The following TNNI3K variants were observed in gnomAD, a reference collection of about 807,000 sequenced individuals.
The protein encoded by TNNI3K is serine/threonine-protein kinase TNNI3K.
TNNI3K carries 140 observed loss-of-function variants against 114.5 expected under a neutral mutation model. The ratio of observed to expected loss-of-function variants is 1.22; its 90% CI spans 1.07 to 1.41. The LOEUF is 1.41. TNNI3K is among the 40% of genes most tolerant of loss of function. The pLI is 0.00. For missense variants in TNNI3K, 1,125 were observed against 1,007.6 expected, an observed-to-expected ratio of 1.12 and a Z score of -1.58; for synonymous variants, 347 against 347.5, an observed-to-expected ratio of 1.00 and a Z score of 0.02.
In TNNI3K at chr1:74,236,090, C is replaced by T. The variant is rs780321887; in HGVS notation, c.41-12C>T. 1 of 1,597,472 alleles carries T rather than the reference C, an allele frequency of 6.3e-7. No individual in the cohort carries two copies. Among genetic ancestry groups the T allele is most frequent in the African/African-American group, 1.4e-5 (1 of 74,038 alleles). On this transcript the variant is annotated splice_polypyrimidine_tract_variant and intron_variant, in intron 1 of 24. Transcript: ENST00000326637. ...CAACTATGAATCAATCTCATTTGTT[C>T]TTCTTTACTAGATGAATGGAAGAAA... is the stretch of plus-strand genomic sequence containing the variant.
At chr1:74,413,098 A>G (rs1041093487) in intron 17 of TNNI3K, among the ~76,000 whole-genome samples, 3 of 152,200 alleles carry the variant, frequency 2.0e-5, no homozygotes, top group African/African-American at 7.2e-5. Flanking sequence ...TTGGTAATTA[A>G]TTCAGTCATC....
chr1:74,275,405 T>A (rs1656619396), intron 5 of TNNI3K, among the ~76,000 whole-genome samples: 1 of 152,248 alleles, frequency 6.6e-6, no homozygotes, highest in African/African-American at 2.4e-5. Context: ...ACCACCCCTA[T>A]GATTCAATTA....
At chr1:74,421,121 T>G (rs1244633775) in intron 17 of TNNI3K, among the ~76,000 whole-genome samples, 1 of 152,102 alleles carries the variant, frequency 6.6e-6, no homozygotes, top group African/African-American at 2.4e-5. Flanking sequence ...GGAAGAGCAA[T>G]TACTGGAATT....
chr1:74,469,778 A>G (rs1049646344), intron 21 of TNNI3K: 12 of 397,700 alleles, frequency 3.0e-5, no homozygotes, highest in Non-Finnish European at 4.4e-5. Flanking sequence ...TTGTCCTCCA[A>G]AATGATCCAC....
chr1:74,298,884 A>G (rs760653053), intron 5 of TNNI3K, among the ~76,000 whole-genome samples: 2 of 152,128 alleles, frequency 1.3e-5, no homozygotes, highest in Non-Finnish European at 2.9e-5. Flanking sequence ...TGTATCTTCT[A>G]AAAGTGCCAT....
chr1:74,267,633 A>G (rs1420158383), intron 4 of TNNI3K, among the ~76,000 whole-genome samples: 5 of 151,926 alleles, frequency 3.3e-5, no homozygotes, highest in Non-Finnish European at 7.4e-5. Context: ...ATAGTAAGCA[A>G]TTTATATGCA....
chr1:74,311,852 G>A (rs1477331525), intron 5 of TNNI3K, among the ~76,000 whole-genome samples: 1 of 152,066 alleles, frequency 6.6e-6, no homozygotes, highest in Non-Finnish European at 1.5e-5. Flanking sequence ...ATTTTTGTTG[G>A]TGTGTATTGT....
intron 17 of TNNI3K, chr1:74,374,088 T>C (rs1662751109): frequency 6.6e-6 from 1 of 151,914 alleles, no homozygotes; most frequent in Non-Finnish European, 1.5e-5. Context: ...GTTTTTGCAC[T>C]ATATTGTCTA....
At chr1:74,524,669 C>CAGCAAAT (rs11281076) in intron 23 of TNNI3K, among the ~76,000 whole-genome samples, 117,667 of 151,248 alleles carry the variant, frequency 0.78, 50,013 homozygotes, top group Non-Finnish European at 0.95. Context: ...GGAGATACAG[C>CAGCAAAT]AGCAAATAAA....
intron 7 of TNNI3K, among the ~76,000 whole-genome samples, chr1:74,338,158 G>A (rs1361724833): frequency 6.6e-6 from 1 of 151,692 alleles, no homozygotes; most frequent in African/African-American, 2.4e-5. Flanking sequence ...CAAAATGTTT[G>A]TACTATTTTA....
chr1:74,288,033 A>G (rs1657441149), intron 5 of TNNI3K, among the ~76,000 whole-genome samples: 2 of 152,168 alleles, frequency 1.3e-5, no homozygotes, highest in African/African-American at 4.8e-5. Flanking sequence ...TAAAACTACA[A>G]TGAGATATTA....
chr1:74,433,046 C>G (rs572400762), intron 17 of TNNI3K, among the ~76,000 whole-genome samples: 2 of 152,028 alleles, frequency 1.3e-5, no homozygotes, highest in East Asian at 3.9e-4. Flanking sequence ...GACCCTCACT[C>G]AATTTTACTC....
intron 23 of TNNI3K, among the ~76,000 whole-genome samples, chr1:74,502,699 T>G (rs147216221): frequency 1.4e-3 from 220 of 152,322 alleles, no homozygotes; most frequent in Middle Eastern, 0.01. Context: ...GAGGGAAATT[T>G]CCCTTCTCAC....
In TNNI3K at chr1:74,333,152, G is replaced by A. The variant is rs1364443982; in HGVS notation, c.543+1604G>A. Among the ~76,000 whole-genome samples the A allele has an allele frequency of 2.0e-5, 3 of 152,146 alleles. No individual in the cohort carries two copies. The South Asian group carries it at 6.2e-4, about 32-fold the overall frequency. On this transcript the variant is annotated intron_variant, in intron 6 of 24. Coordinates refer to ENST00000326637, the MANE Select transcript of TNNI3K (RefSeq NM_015978.3). ...CCACAGCACCACCTGAGGGTTCCAA[G>A]TTGAAGATCAAACTTACTTGTGTCC... is the stretch of plus-strand genomic sequence containing the variant.
intron 5 of TNNI3K, among the ~76,000 whole-genome samples, chr1:74,298,388 G>A (rs1269615841): frequency 6.6e-6 from 1 of 152,110 alleles, no homozygotes; most frequent in African/African-American, 2.4e-5. Context: ...GAATATATAG[G>A]TAAGCATTTT....
intron 5 of TNNI3K, among the ~76,000 whole-genome samples, chr1:74,286,256 G>C (rs1023693025): frequency 6.6e-6 from 1 of 152,078 alleles, no homozygotes; most frequent in African/African-American, 2.4e-5. Context: ...CCAGAACCAG[G>C]CCAGTCCTCA....
intron 2 of TNNI3K, among the ~76,000 whole-genome samples, chr1:74,245,136 AAAAG>A (rs1654474124): frequency 6.6e-6 from 1 of 152,212 alleles, no homozygotes; most frequent in Admixed American, 6.5e-5. Context: ...AATCCTTCCA[AAAAG>A]AAAGGTGGGG....
intron 20 of TNNI3K, among the ~76,000 whole-genome samples, chr1:74,462,848 A>G (rs1417792378): frequency 2.6e-5 from 4 of 152,248 alleles, no homozygotes. Flanking sequence ...ACAGACTTCA[A>G]TCAATGAGTA....
chr1:74,336,935 A>C (rs1346856969), intron 7 of TNNI3K, among the ~76,000 whole-genome samples: 1 of 152,106 alleles, frequency 6.6e-6, no homozygotes, highest in Non-Finnish European at 1.5e-5. Context: ...ACTGACTTCC[A>C]CAATGGTTGA....
Sources: allele counts gnomAD v4.1 joint callset (sites outside exome capture counted in the v4.1 genomes callset), GRCh38; gene constraint gnomAD v4.1.1; transcripts MANE v1.5; gene names NCBI Gene and HGNC (gene_info 2026-07-23, HGNC 2026-07-21).